Variants in SNAP91 observed in about 807,000 individuals in gnomAD.
SNAP91 encodes synaptosome associated protein 91, also known as clathrin coat assembly protein AP180.
Under a neutral mutation model 100.3 loss-of-function variants are expected in SNAP91, and 27 were observed. The ratio of observed to expected loss-of-function variants is 0.27; its 90% CI spans 0.20 to 0.37. The LOEUF is 0.37. Among genes scored for constraint, SNAP91 ranks in the 10% least tolerant of loss-of-function variants. The pLI is 1.00. For missense variants in SNAP91, 986 were observed against 1,123.7 expected (o/e 0.88, Z 1.75); for synonymous variants, 404 against 398.6 (o/e 1.01, Z -0.16).
intron 2 of SNAP91, among the ~76,000 whole-genome samples, chr6:83,682,148 C>G (rs565348787): frequency 4.3e-4 from 64 of 149,268 alleles, no homozygotes; most frequent in African/African-American, 1.5e-3. Flanking sequence ...TTTCTTCTGT[C>G]TACTCTGTCA....
intron 2 of SNAP91, among the ~76,000 whole-genome samples, chr6:83,673,744 C>T (rs1323767364): frequency 1.3e-5 from 2 of 152,190 alleles, no homozygotes; most frequent in African/African-American, 4.8e-5. Flanking sequence ...TCTTCTTTGC[C>T]AGCAGAATCC....
intron 28 of SNAP91, among the ~76,000 whole-genome samples, chr6:83,558,551 G>T (rs1027265620): frequency 8.5e-5 from 13 of 152,312 alleles, no homozygotes; most frequent in African/African-American, 2.9e-4. Context: ...TGTTGCTTTT[G>T]AGGGGCAAAG....
intron 2 of SNAP91, among the ~76,000 whole-genome samples, chr6:83,666,808 A>G (rs1562578413): frequency 6.6e-6 from 1 of 151,772 alleles, no homozygotes; most frequent in Non-Finnish European, 1.5e-5. Flanking sequence ...TTGGACTTTT[A>G]CTCATCCTTC....
chr6:83,659,848 C>T (rs1469747175), intron 5 of SNAP91, among the ~76,000 whole-genome samples: 1 of 151,838 alleles, frequency 6.6e-6, no homozygotes, highest in Non-Finnish European at 1.5e-5. Context: ...ATGCTATTAA[C>T]CATCAAGGGA....
intron 2 of SNAP91, among the ~76,000 whole-genome samples, chr6:83,679,992 T>G (rs2098964809): frequency 6.6e-6 from 1 of 152,108 alleles, no homozygotes; most frequent in South Asian, 2.1e-4. Flanking sequence ...ATGCTTCATA[T>G]ACTCAATTAT....
chr6:83,580,865 T>C (rs925015981), intron 23 of SNAP91, among the ~76,000 whole-genome samples: 21 of 152,222 alleles, frequency 1.4e-4, no homozygotes, highest in Non-Finnish European at 4.4e-5. Context: ...TGGGCTTCAA[T>C]TCAGCTGCAT....
intron 2 of SNAP91, among the ~76,000 whole-genome samples, chr6:83,692,183 G>C (rs1054902987): frequency 6.6e-6 from 1 of 152,134 alleles, no homozygotes; most frequent in Non-Finnish European, 1.5e-5. Context: ...CTCTAATAAC[G>C]ATAATTTATA....
Position 83,601,435 on chromosome 6 carries a change from G to C in SNAP91, c.1160C>G (p.Ser387Cys). 5.6e-6 allele frequency: 9 copies of C among 1,613,586 alleles called. No individual in the cohort carries two copies. The highest frequency in any genetic ancestry group is 1.3e-5 in the African/African-American group (1 of 75,014). Residue 387 changes from serine to cysteine, a missense_variant, in exon 16 of 30, where the codon TCT (serine) becomes TGT (cysteine). Coordinates refer to ENST00000369694, the MANE Select transcript of SNAP91 (RefSeq NM_001242792.2). ...TAWGDLLGED[S>C]LAALSSVPSE... is the part of the protein sequence containing the mutation. ...GGGAACAGAGGAAAGTGCAGCCAAA[G>C]AATCTATATTTCACCAGAGACAGAG... is the stretch of plus-strand genomic sequence containing the variant.
intron 2 of SNAP91, among the ~76,000 whole-genome samples, chr6:83,687,152 T>C (rs1428302114): frequency 6.6e-6 from 1 of 152,190 alleles, no homozygotes; most frequent in Non-Finnish European, 1.5e-5. Context: ...TTGGGTTTGA[T>C]GAGTTCTTGT....
At chr6:83,622,157 T>C (rs2096755002) in intron 9 of SNAP91, among the ~76,000 whole-genome samples, 1 of 152,058 alleles carries the variant, frequency 6.6e-6, no homozygotes, top group Non-Finnish European at 1.5e-5. Flanking sequence ...GTAGCAGAAA[T>C]ATTTTATACC....
chr6:83,706,382 ACTTCTCT>A (rs1562765457), intron 2 of SNAP91, among the ~76,000 whole-genome samples: 5 of 152,238 alleles, frequency 3.3e-5, no homozygotes, highest in Admixed American at 3.3e-4. Flanking sequence ...TACAATTTCT[ACTTCTCT>A]TAGGTGCCCT....
chr6:83,605,178 T>C (rs1334555066), intron 14 of SNAP91, among the ~76,000 whole-genome samples: 1 of 152,124 alleles, frequency 6.6e-6, no homozygotes, highest in Admixed American at 6.5e-5. Flanking sequence ...TATGGATTTT[T>C]CTGGTACAAA....
At chr6:83,621,078 T>C (rs986002109) in intron 9 of SNAP91, among the ~76,000 whole-genome samples, 1 of 152,118 alleles carries the variant, frequency 6.6e-6, no homozygotes. Flanking sequence ...TGGCGCAGGT[T>C]TGTCATATAG....
At chr6:83,700,682 A>G (rs765269855) in intron 2 of SNAP91, among the ~76,000 whole-genome samples, 9 of 152,018 alleles carry the variant, frequency 5.9e-5, no homozygotes, top group Non-Finnish European at 1.2e-4. Flanking sequence ...GTACAATGGC[A>G]TGATCATGGC....
At chr6:83,622,134 C>CTA (rs2096753992) in intron 9 of SNAP91, among the ~76,000 whole-genome samples, 1 of 152,016 alleles carries the variant, frequency 6.6e-6, no homozygotes, top group Admixed American at 6.6e-5. Context: ...TCAAAAAACA[C>CTA]TGTTTTCTCA....
At position 83,553,470 on chromosome 6, in the gene SNAP91, A is replaced by AC; in HGVS notation, c.*825dup. 1 of 152,178 alleles carries AC rather than the reference A, an allele frequency of 6.6e-6. No individual in the cohort carries two copies. The highest frequency in any genetic ancestry group is 2.1e-4 in the South Asian group (1 of 4,826). The allele number at this position is 152,178 out of a possible 1,614,324, so 9.4% of individuals were successfully genotyped here. A position where few individuals can be genotyped will look rare whatever the true frequency, so the allele number is the denominator to read the frequency against. ...GTGCCTTCAGAATCACTTGAATAGCACCTCTCTAACCGCATTTTCATGAAC... is the reference window on the plus strand; with the variant it reads ...GTGCCTTCAGAATCACTTGAATAGCACCCTCTCTAACCGCATTTTCATGAAC... On this transcript the variant is annotated 3_prime_UTR_variant, in exon 30 of 30. Coordinates refer to ENST00000369694, the MANE Select transcript of SNAP91 (RefSeq NM_001242792.2).
At chr6:83,604,151 C>G (rs1265635916) in intron 14 of SNAP91, among the ~76,000 whole-genome samples, 1 of 152,206 alleles carries the variant, frequency 6.6e-6, no homozygotes, top group African/African-American at 2.4e-5. Context: ...TACAGTTTCA[C>G]TGTTTATTCA....
At chr6:83,629,070 T>A (rs1210790293) in intron 8 of SNAP91, among the ~76,000 whole-genome samples, 1 of 152,174 alleles carries the variant, frequency 6.6e-6, no homozygotes, top group Non-Finnish European at 1.5e-5. Flanking sequence ...CCAGTTTTAT[T>A]CTCCTACATG....
chr6:83,583,229 A>G (rs980124149), intron 22 of SNAP91, among the ~76,000 whole-genome samples: 10 of 152,104 alleles, frequency 6.6e-5, no homozygotes, highest in African/African-American at 2.2e-4. Flanking sequence ...GAGTATCCTC[A>G]GCACCTGGTA....
Sources: allele counts gnomAD v4.1 joint callset (sites outside exome capture counted in the v4.1 genomes callset), GRCh38; gene constraint gnomAD v4.1.1; transcripts MANE v1.5; gene names NCBI Gene and HGNC (gene_info 2026-07-23, HGNC 2026-07-21).